The following SMARCC1 variants were observed in gnomAD, a reference collection of about 807,000 sequenced individuals.
The protein encoded by SMARCC1 is SWI/SNF related BAF chromatin remodeling complex subunit C1.
Under a neutral mutation model 147.4 loss-of-function variants are expected in SMARCC1, and 43 were observed. The observed-to-expected ratio is 0.29, with a 90% CI of 0.23 to 0.38. The LOEUF (loss-of-function observed/expected upper bound fraction) is 0.38. Among genes scored for constraint, SMARCC1 ranks in the 10% least tolerant of loss-of-function variants. SMARCC1 has a pLI of 1.00. For missense variants in SMARCC1, 1,119 were observed against 1,381.1 expected (o/e 0.81, Z 3.01); for synonymous variants, 495 against 484.4 (o/e 1.02, Z -0.29).
At chr3:47,776,312 T>C (rs2034974308) in intron 1 of SMARCC1, among the ~76,000 whole-genome samples, 1 of 151,924 alleles carries the variant, frequency 6.6e-6, no homozygotes, top group Admixed American at 6.6e-5. Context: ...CATAAAAAAA[T>C]AATGACCGGC....
chr3:47,627,645 T>C (rs930540319), intron 24 of SMARCC1, among the ~76,000 whole-genome samples: 1 of 152,130 alleles, frequency 6.6e-6, no homozygotes, highest in Admixed American at 6.5e-5. Context: ...GCTTTTTGAA[T>C]GGTATTTATA....
At chr3:47,738,764 C>T (rs1223285816) in intron 3 of SMARCC1, among the ~76,000 whole-genome samples, 2 of 152,058 alleles carry the variant, frequency 1.3e-5, no homozygotes, top group Non-Finnish European at 2.9e-5. Context: ...GTATTTAATT[C>T]TAATACAGCT....
At chr3:47,603,285 G>A (rs1225518500) in intron 26 of SMARCC1, 1 of 152,182 alleles carries the variant, frequency 6.6e-6, no homozygotes, top group Non-Finnish European at 1.5e-5. Context: ...AGCTAGGCAT[G>A]GTGGCAGGTG....
At chr3:47,692,262 TTA>T (rs1350463125) in intron 12 of SMARCC1, among the ~76,000 whole-genome samples, 2 of 152,202 alleles carry the variant, frequency 1.3e-5, no homozygotes, top group African/African-American at 4.8e-5. Flanking sequence ...GAACAAGTGA[TTA>T]TACTCTTTTC....
At chr3:47,752,300 T>A (rs567284989) in intron 2 of SMARCC1, among the ~76,000 whole-genome samples, 1 of 152,038 alleles carries the variant, frequency 6.6e-6, no homozygotes, top group African/African-American at 2.4e-5. Context: ...AAGCTGGAGA[T>A]AGGAACAAGA....
chr3:47,696,418 C>G (rs560283609), intron 11 of SMARCC1, among the ~76,000 whole-genome samples: 1 of 151,878 alleles, frequency 6.6e-6, no homozygotes, highest in African/African-American at 2.4e-5. Context: ...CAAATTTATA[C>G]AACACTAGAC....
Position 47,754,347 on chromosome 3 carries a change from C to T in SMARCC1, c.316-8354G>A, listed in dbSNP as rs553051952. The stretch of plus-strand genomic sequence containing the variant: ...CCTCCTCAGTAGCTGGGACTGCAGG[C>T]GCGCACCACCACGCCCAGCTAATTT... On this transcript the variant is annotated intron_variant, in intron 2 of 27. Transcript: ENST00000254480. 3.9e-5 allele frequency among the ~76,000 whole-genome samples: 6 copies of T among 152,062 alleles called. No homozygotes were observed. In the East Asian group the frequency reaches 7.7e-4, roughly 20 times the overall value.
rs2035050747 is a variant in SMARCC1 at position 47,781,703 on chromosome 3, C to T, written c.95G>A (p.Arg32Gln). The T allele has an allele frequency of 1.9e-6, 3 of 1,562,674 alleles. No individual in the cohort carries two copies. The highest frequency in any genetic ancestry group is 2.3e-5 in the South Asian group (2 of 86,210). ...GGTGGCCGGGCCCCCATCCTTCCGTCGATAAACAGCTAGGCCTGCGGCTGC... is the reference window on the plus strand; with the variant it reads ...GGTGGCCGGGCCCCCATCCTTCCGTTGATAAACAGCTAGGCCTGCGGCTGC... ...AAAAAGLAVYRRKDGGPATKF... is the reference protein window; with the variant it reads ...AAAAAGLAVYQRKDGGPATKF... Residue 32 changes from arginine to glutamine, a missense_variant, in exon 1 of 28, where the codon CGA (arginine) becomes CAA (glutamine). Transcript: ENST00000254480.
At position 47,622,295 on chromosome 3, in the gene SMARCC1, A is replaced by G; in HGVS notation, c.2693T>C (p.Leu898Pro). The G allele has an allele frequency of 6.2e-7, 1 of 1,612,642 alleles. No individual in the cohort carries two copies. Among genetic ancestry groups the G allele is most frequent in the Non-Finnish European group, 8.5e-7 (1 of 1,179,460 alleles). Residue 898 changes from leucine (L) to proline (P), a missense_variant, in exon 25 of 28, where the codon CTC (leucine) becomes CCC (proline). Transcript: ENST00000254480. ...EERKIKSLVA[L>P]LVETQMKKLE... ...TTTCTTCATTTGTGTCTCAACCAAG[A>G]GAGCTACCAGGGACTTGATCTTTCT... is the stretch of plus-strand genomic sequence containing the variant.
chr3:47,603,729 G>A (rs912200324), intron 26 of SMARCC1: 14 of 256,342 alleles, frequency 5.5e-5, no homozygotes, highest in African/African-American at 3.2e-4. Flanking sequence ...GGAATGAAAT[G>A]CAATGCTGTG....
At chr3:47,745,820 G>C in intron 3 of SMARCC1, 88 bp downstream of exon 3, 1 of 733,548 alleles carries the variant, frequency 1.4e-6, no homozygotes, top group South Asian at 2.3e-5. Context: ...TAATCATCAT[G>C]TGCTTACAGG....
chr3:47,665,884 T>C (rs898672515), intron 19 of SMARCC1, among the ~76,000 whole-genome samples: 48 of 151,858 alleles, frequency 3.2e-4, no homozygotes, highest in African/African-American at 1.1e-3. Context: ...ACGGTCTTGC[T>C]ATGTTGCCCA....
chr3:47,614,253 G>A (rs1169595881), intron 25 of SMARCC1, among the ~76,000 whole-genome samples: 1 of 152,174 alleles, frequency 6.6e-6, no homozygotes, highest in East Asian at 1.9e-4. Context: ...AATCCAAAAA[G>A]GGAGCCTGCA....
chr3:47,697,290 G>A (rs910459634), intron 11 of SMARCC1, among the ~76,000 whole-genome samples: 5 of 151,530 alleles, frequency 3.3e-5, no homozygotes, highest in South Asian at 4.2e-4. Flanking sequence ...GCGAAAGAGC[G>A]AGAGATCCTG....
Position 47,588,297 on chromosome 3 carries a change from G to A in SMARCC1, c.3230C>T (p.Pro1077Leu), listed in dbSNP as rs866026013. Reference protein sequence around the residue: ...LTAPNGMYPPPPQQQPPPPPP... With the variant: ...LTAPNGMYPPLPQQQPPPPPP... ...TGGTGGCGGTGGCTGCTGCTGTGGTGGAGGGGGATCTGCAAACATATCCAA... is the reference window on the plus strand; with the variant it reads ...TGGTGGCGGTGGCTGCTGCTGTGGTAGAGGGGGATCTGCAAACATATCCAA... The change falls in exon 28 of 28, where the codon CCA becomes CTA. Residue 1077 changes from proline to leucine, a missense_variant. Coordinates refer to ENST00000254480, the MANE Select transcript of SMARCC1 (RefSeq NM_003074.4). 1.2e-6 allele frequency: 2 copies of A among 1,613,800 alleles called. No individual in the cohort carries two copies. Among genetic ancestry groups the A allele is most frequent in the Non-Finnish European group, 1.7e-6 (2 of 1,179,788 alleles).
intron 2 of SMARCC1, among the ~76,000 whole-genome samples, chr3:47,758,561 C>T (rs1420745235): frequency 6.6e-6 from 1 of 152,072 alleles, no homozygotes. Flanking sequence ...TTTACCAGTA[C>T]ACAGCCATAC....
At chr3:47,742,407 G>A (rs1158558263) in intron 3 of SMARCC1, among the ~76,000 whole-genome samples, 1 of 152,020 alleles carries the variant, frequency 6.6e-6, no homozygotes, top group Non-Finnish European at 1.5e-5. Flanking sequence ...TCTCTCCTTT[G>A]GGAGATCCGT....
intron 21 of SMARCC1, 64 bp from the exon 22 acceptor site, chr3:47,638,844 A>T: frequency 9.4e-7 from 1 of 1,068,244 alleles, no homozygotes; most frequent in East Asian, 2.4e-5. Context: ...ATTATTATAC[A>T]GCTGTGAGAG....
In SMARCC1 at chr3:47,714,496, A is replaced by G; in HGVS notation, c.717-6T>C. 1.4e-6 allele frequency: 2 copies of G among 1,453,588 alleles called. No homozygotes were observed. The highest frequency in any genetic ancestry group is 1.2e-5 in the South Asian group (1 of 80,974). 90.0% of individuals were successfully genotyped at this position (1,453,588 alleles called of 1,614,324 possible). A position where few individuals can be genotyped will look rare whatever the true frequency, so the allele number is the denominator to read the frequency against. ...TATGGACCCAAGTATCATAGCTATA[A>G]AGGAATCAAAATGAGAAAAACAAAT... On this transcript the variant is annotated splice_polypyrimidine_tract_variant and splice_region_variant and intron_variant, in intron 7 of 27. Transcript: ENST00000254480.
Sources: allele counts gnomAD v4.1 joint callset (sites outside exome capture counted in the v4.1 genomes callset), GRCh38; gene constraint gnomAD v4.1.1; transcripts MANE v1.5; gene names NCBI Gene and HGNC (gene_info 2026-07-23, HGNC 2026-07-21).